USP9X: variants seen among roughly 807,000 people sequenced by gnomAD.
USP9X encodes ubiquitin specific peptidase 9 X-linked.
In USP9X, 7 loss-of-function variants were observed where a neutral mutation model predicts 190.3. That is an observed-to-expected ratio of 0.04 (90% CI 0.02 to 0.07). The LOEUF (loss-of-function observed/expected upper bound fraction) is 0.07. USP9X is among the 10% of genes least tolerant of loss of function. The probability of loss-of-function intolerance (pLI) is 1.00; values close to 1 mark genes in which losing one functional copy is unlikely to be tolerated. For missense variants in USP9X, 1,010 were observed against 1,916.9 expected (o/e 0.53, Z 8.83); for synonymous variants, 645 against 659.5 (o/e 0.98, Z 0.34).
intron 29 of USP9X, among the ~76,000 whole-genome samples, chrX:41,198,065 G>A (rs2063003683): frequency 8.9e-6 from 1 of 112,052 alleles, no homozygotes; most frequent in African/African-American, 3.2e-5. Context: ...TTGTTGTTTA[G>A]TTTTTCTCTT....
At chrX:41,159,364 C>T (rs1333394565) in intron 14 of USP9X, among the ~76,000 whole-genome samples, 1 of 111,129 alleles carries the variant, frequency 9.0e-6, no homozygotes, top group Non-Finnish European at 1.9e-5. Context: ...GAGTGGCACC[C>T]ACCTTGCAAA....
At chrX:41,199,043 G>A (rs1400003363) in intron 30 of USP9X, among the ~76,000 whole-genome samples, 1 of 110,619 alleles carries the variant, frequency 9.0e-6, no homozygotes, top group African/African-American at 3.3e-5. Flanking sequence ...AATTAGCTGG[G>A]CATTGTGGTG....
chrX:41,227,757 G>T (rs932799610), intron 41 of USP9X, among the ~76,000 whole-genome samples: 1 of 110,145 alleles, frequency 9.1e-6, no homozygotes. Flanking sequence ...CTGGAGTGCA[G>T]TGGCGCGATC....
intron 9 of USP9X, among the ~76,000 whole-genome samples, chrX:41,142,870 A>G (rs1420840514): frequency 2.7e-5 from 3 of 111,498 alleles, no homozygotes; most frequent in African/African-American, 9.8e-5. Flanking sequence ...TGGATAAGCA[A>G]TAATAGTGCC....
Position 41,191,329 on chromosome X carries a change from CAAA to C in USP9X, c.3977+1872_3977+1874del, listed in dbSNP as rs60716097. 9.2e-3 allele frequency among the ~76,000 whole-genome samples: 604 copies of C among 65,635 alleles called. 4 individuals are homozygous for C. The highest frequency in any genetic ancestry group is 0.031 in the African/African-American group (539 of 17,443). The allele number at this position is 65,635 out of a possible 115,157, so 57.0% of individuals were successfully genotyped here. A position where few individuals can be genotyped will look rare whatever the true frequency, so the allele number is the denominator to read the frequency against. On this transcript the variant is annotated intron_variant, in intron 26 of 44. Coordinates refer to ENST00000378308, the MANE Select transcript of USP9X (RefSeq NM_001039591.3). ...GGGCAATAAGAGTGAAACTCCATGT[CAAA>C]AAAAAAAAAAAAAAAAATTGAATCC... is the stretch of plus-strand genomic sequence containing the variant.
intron 10 of USP9X, 122 bp downstream of exon 10, chrX:41,143,565 A>G: frequency 3.7e-6 from 2 of 540,506 alleles, no homozygotes; most frequent in Non-Finnish European, 5.4e-6. Context: ...GAACGTTTAA[A>G]TGCTTGTTAC....
At chrX:41,198,198 T>A (rs185515886) in intron 29 of USP9X, among the ~76,000 whole-genome samples, 1 of 112,207 alleles carries the variant, frequency 8.9e-6, no homozygotes, top group Non-Finnish European at 1.9e-5. Flanking sequence ...AAGTTTCATT[T>A]TTGTACATTT....
Position 41,235,404 on chromosome X carries a change from T to C in USP9X, c.*2880T>C. 8.9e-6 allele frequency: 1 copy of C among 112,865 alleles called. No homozygotes were observed. Among genetic ancestry groups the C allele is most frequent in the Non-Finnish European group, 1.9e-5 (1 of 53,310 alleles). The allele number at this position is 112,865 out of a possible 1,213,427, so 9.3% of individuals were successfully genotyped here. A position where few individuals can be genotyped will look rare whatever the true frequency, so the allele number is the denominator to read the frequency against. On this transcript the variant is annotated 3_prime_UTR_variant, in exon 45 of 45. Coordinates refer to ENST00000378308, the MANE Select transcript of USP9X (RefSeq NM_001039591.3). ...TGCCTAAGGATTATTTAGTTCTCCCTCAACTGATTTTTTGAGCCATATATT... is the reference window on the plus strand; with the variant it reads ...TGCCTAAGGATTATTTAGTTCTCCCCCAACTGATTTTTTGAGCCATATATT...
intron 38 of USP9X, among the ~76,000 whole-genome samples, chrX:41,222,973 A>G (rs1001381644): frequency 7.1e-5 from 8 of 112,140 alleles, no homozygotes; most frequent in African/African-American, 2.3e-4. Flanking sequence ...TCATAGTCAT[A>G]GTCACTGTTG....
At chrX:41,111,075 C>A (rs1280207217) in intron 1 of USP9X, among the ~76,000 whole-genome samples, 2 of 111,326 alleles carry the variant, frequency 1.8e-5, no homozygotes, top group African/African-American at 6.5e-5. Flanking sequence ...TTGAGCACTG[C>A]TATAGACTGA....
intron 1 of USP9X, among the ~76,000 whole-genome samples, chrX:41,122,675 C>G (rs773767539): frequency 5.4e-5 from 6 of 111,958 alleles, no homozygotes; most frequent in African/African-American, 2.0e-4. Context: ...AGTGTGACAG[C>G]CTTTTTGGGT....
chrX:41,210,042 A>T (rs1195434871), intron 32 of USP9X, among the ~76,000 whole-genome samples: 3 of 112,186 alleles, frequency 2.7e-5, no homozygotes, highest in Non-Finnish European at 5.6e-5. Flanking sequence ...GGAAAAAAAT[A>T]AATTTAAGAG....
intron 31 of USP9X, 100 bp from the exon 32 acceptor site, chrX:41,205,203 C>T (rs1275266449): frequency 1.6e-6 from 1 of 628,132 alleles, no homozygotes; most frequent in Non-Finnish European, 2.3e-6. Context: ...TGGAAATGAG[C>T]ATAATAGGAA....
intron 11 of USP9X, among the ~76,000 whole-genome samples, chrX:41,145,032 C>T (rs941414735): frequency 1.8e-5 from 2 of 111,723 alleles, no homozygotes; most frequent in African/African-American, 3.3e-5. Flanking sequence ...AGCCCAAGAA[C>T]TCCTCCTACA....
Position 41,218,719 on chromosome X carries a change from T to C in USP9X, c.6435+122T>C, listed in dbSNP as rs952959150. On this transcript the variant is annotated intron_variant, in intron 37 of 44. Coordinates refer to ENST00000378308, the MANE Select transcript of USP9X (RefSeq NM_001039591.3). ...ATGTTTACCTAACAGAAACACACAA[T>C]ATGATGTCAGTGAGTTCCATTTAAT... 5 of 629,653 alleles carry C rather than the reference T, an allele frequency of 7.9e-6. No individual in the cohort carries two copies. In the East Asian group the frequency reaches 1.3e-4, roughly 17 times the overall value. 51.9% of individuals were successfully genotyped at this position (629,653 alleles called of 1,213,427 possible).
chrX:41,097,175 TAA>T (rs2061997876), intron 1 of USP9X, among the ~76,000 whole-genome samples: 1 of 112,147 alleles, frequency 8.9e-6, no homozygotes, highest in Non-Finnish European at 1.9e-5. Context: ...CAGAGCAACT[TAA>T]AGTTTGGTTA....
chrX:41,170,992 A>G (rs1321739719), intron 20 of USP9X, among the ~76,000 whole-genome samples: 1 of 111,813 alleles, frequency 8.9e-6, no homozygotes, highest in African/African-American at 3.3e-5. Flanking sequence ...GCAACCAGAT[A>G]TACAAAAAGT....
chrX:41,105,047 C>T (rs1330824621), intron 1 of USP9X, among the ~76,000 whole-genome samples: 2 of 110,916 alleles, frequency 1.8e-5, no homozygotes, highest in African/African-American at 3.3e-5. Flanking sequence ...TTCTGACAAA[C>T]TACAATAAAT....
In USP9X at chrX:41,120,009, T is replaced by G. The variant is rs1204741858; in HGVS notation, c.-158-3462T>G. Among the ~76,000 whole-genome samples the G allele has an allele frequency of 1.6e-4, 9 of 55,447 alleles. No homozygotes were observed. In the East Asian group the frequency reaches 0.012, roughly 75 times the overall value. 48.1% of individuals were successfully genotyped at this position (55,447 alleles called of 115,157 possible). On this transcript the variant is annotated intron_variant, in intron 1 of 44. Transcript: ENST00000378308. ...GGACTGCTTAAATCAGACTTTTTCATTTTTTTTTTCCACTTTATGTATTTA... is the reference window on the plus strand; with the variant it reads ...GGACTGCTTAAATCAGACTTTTTCAGTTTTTTTTTCCACTTTATGTATTTA...
Sources: allele counts gnomAD v4.1 joint callset (sites outside exome capture counted in the v4.1 genomes callset), GRCh38; gene constraint gnomAD v4.1.1; transcripts MANE v1.5; gene names NCBI Gene and HGNC (gene_info 2026-07-23, HGNC 2026-07-21).